Variants in PPP1R9A observed in about 807,000 individuals in gnomAD.
PPP1R9A encodes the protein neurabin-1.
Under a neutral mutation model 141.9 loss-of-function variants are expected in PPP1R9A, and 59 were observed. The observed-to-expected ratio is 0.42, with a 90% CI of 0.34 to 0.52. The LOEUF (loss-of-function observed/expected upper bound fraction) is 0.52. Among genes scored for constraint, PPP1R9A ranks in the 20% least tolerant of loss-of-function variants. PPP1R9A has a pLI of 0.10. For synonymous variants in PPP1R9A, 500 were observed against 569.7 expected (o/e 0.88, Z 1.74); for missense variants, 1,444 against 1,611.9 (o/e 0.90, Z 1.78).
intron 2 of PPP1R9A, among the ~76,000 whole-genome samples, chr7:95,015,091 T>C (rs576076306): frequency 2.0e-5 from 3 of 152,038 alleles, no homozygotes; most frequent in Non-Finnish European, 4.4e-5. Context: ...GAGCTATAGT[T>C]TCTTTTATTT....
chr7:95,139,493 G>A (rs1826257927), intron 4 of PPP1R9A, among the ~76,000 whole-genome samples: 3 of 152,140 alleles, frequency 2.0e-5, no homozygotes, highest in Admixed American at 6.5e-5. Flanking sequence ...TTTGCCTCAT[G>A]TCTTCTGAAT....
rs961547043 is a variant in PPP1R9A, at chr7:95,295,421, T to G, written c.*5118T>G. 6.6e-6 allele frequency: 1 copy of G among 152,604 alleles called. No individual in the cohort carries two copies. Among genetic ancestry groups the G allele is most frequent in the African/African-American group, 2.4e-5 (1 of 41,456 alleles). The allele number at this position is 152,604 out of a possible 1,614,324, so 9.5% of individuals were successfully genotyped here. A position where few individuals can be genotyped will look rare whatever the true frequency, so the allele number is the denominator to read the frequency against. ...GATGTCAAGATTGCATATTGCTGAGTTGGAGCTCAGAAGAAATGTATGCAG... is the reference window on the plus strand; with the variant it reads ...GATGTCAAGATTGCATATTGCTGAGGTGGAGCTCAGAAGAAATGTATGCAG... On this transcript the variant is annotated 3_prime_UTR_variant, in exon 20 of 20. Coordinates refer to ENST00000433360, the MANE Select transcript of PPP1R9A (RefSeq NM_001166160.2).
chr7:95,249,684 CA>C, intron 9 of PPP1R9A, among the ~76,000 whole-genome samples: 1 of 152,164 alleles, frequency 6.6e-6, no homozygotes, highest in South Asian at 2.1e-4. Flanking sequence ...TAAAAACTCT[CA>C]AAACATGTTG....
At position 95,248,871 on chromosome 7, in the gene PPP1R9A, A is replaced by T. The variant is rs551708422; in HGVS notation, c.2167-1155A>T. Among the ~76,000 whole-genome samples the T allele has an allele frequency of 4.5e-4, 69 of 152,288 alleles. 1 individual carries two copies. The South Asian group carries it at 0.013, about 28-fold the overall frequency. The stretch of plus-strand genomic sequence containing the variant: ...TGTAAACTGTTTTGCAAATGTGTTT[A>T]GTTAAAAATATTTGCAAAAACATAG... On this transcript the variant is annotated intron_variant, in intron 9 of 19. Transcript: ENST00000433360.
intron 2 of PPP1R9A, among the ~76,000 whole-genome samples, chr7:95,033,316 ATTT>A (rs992206346): frequency 5.9e-5 from 9 of 151,286 alleles, no homozygotes; most frequent in Non-Finnish European, 1.2e-4. Flanking sequence ...TCCTGGCCTA[ATTT>A]TTTATTTTTA....
At chr7:95,068,037 T>C (rs1199045279) in intron 2 of PPP1R9A, among the ~76,000 whole-genome samples, 1 of 152,018 alleles carries the variant, frequency 6.6e-6, no homozygotes, top group South Asian at 2.1e-4. Context: ...GAAATAAACA[T>C]CCTTGTTGCT....
At chr7:94,998,721 C>T (rs939831008) in intron 2 of PPP1R9A, among the ~76,000 whole-genome samples, 4 of 152,206 alleles carry the variant, frequency 2.6e-5, no homozygotes, top group African/African-American at 9.6e-5. Context: ...TTCTGCTTAT[C>T]CGTTTTACAA....
chr7:94,943,932 C>T (rs1209585069), intron 2 of PPP1R9A, among the ~76,000 whole-genome samples: 1 of 152,114 alleles, frequency 6.6e-6, no homozygotes, highest in African/African-American at 2.4e-5. Context: ...TTTCTAATTA[C>T]TGAGTTTGTT....
Position 94,983,355 on chromosome 7 carries a change from A to C in PPP1R9A, c.1395+71847A>C, listed in dbSNP as rs1241468251. On this transcript the variant is annotated intron_variant, in intron 2 of 19. Transcript: ENST00000433360. ...TATGAACTTTAAAGTAGTTTTTTCC[A>C]ATTCTGTGAAGAAAGTCATTGGTAG... is the stretch of plus-strand genomic sequence containing the variant. Among the ~76,000 whole-genome samples, 3 of 152,124 alleles carry C rather than the reference A, an allele frequency of 2.0e-5. No homozygotes were observed. The East Asian group carries it at 5.8e-4, about 29-fold the overall frequency.
At chr7:94,950,737 C>A (rs1416129978) in intron 2 of PPP1R9A, among the ~76,000 whole-genome samples, 1 of 151,960 alleles carries the variant, frequency 6.6e-6, no homozygotes, top group East Asian at 1.9e-4. Flanking sequence ...AATTAAAAGG[C>A]AATTAATTTA....
chr7:95,212,813 T>C (rs1475890427), intron 7 of PPP1R9A, among the ~76,000 whole-genome samples: 1 of 152,214 alleles, frequency 6.6e-6, no homozygotes, highest in Non-Finnish European at 1.5e-5. Flanking sequence ...GAGAAAGTCC[T>C]GGGTTTCTAA....
chr7:95,157,347 A>G (rs1829796520), intron 4 of PPP1R9A, among the ~76,000 whole-genome samples: 1 of 151,950 alleles, frequency 6.6e-6, no homozygotes, highest in East Asian at 1.9e-4. Context: ...CTGGTCCCCC[A>G]AAAGTAAAGG....
At chr7:95,278,202 C>T (rs1273027548) in intron 16 of PPP1R9A, among the ~76,000 whole-genome samples, 2 of 152,188 alleles carry the variant, frequency 1.3e-5, no homozygotes, top group Non-Finnish European at 2.9e-5. Flanking sequence ...CTGCATGGCT[C>T]TGACTTCCCA....
chr7:95,061,771 C>G (rs1436598952), intron 2 of PPP1R9A, among the ~76,000 whole-genome samples: 1 of 152,108 alleles, frequency 6.6e-6, no homozygotes, highest in Non-Finnish European at 1.5e-5. Flanking sequence ...ATGGCTTTGT[C>G]TGTGTTTGCA....
intron 2 of PPP1R9A, among the ~76,000 whole-genome samples, chr7:95,013,572 G>A (rs1446268591): frequency 6.6e-6 from 1 of 152,054 alleles, no homozygotes; most frequent in African/African-American, 2.4e-5. Flanking sequence ...AATCTTTTCT[G>A]TGTAGTCATT....
chr7:95,234,851 G>C (rs1361970171), intron 8 of PPP1R9A, among the ~76,000 whole-genome samples: 1 of 152,082 alleles, frequency 6.6e-6, no homozygotes, highest in Non-Finnish European at 1.5e-5. Flanking sequence ...AGAGAACCCA[G>C]AAATAAACCC....
intron 4 of PPP1R9A, among the ~76,000 whole-genome samples, chr7:95,123,801 G>A (rs1823062222): frequency 6.6e-6 from 1 of 152,114 alleles, no homozygotes; most frequent in Non-Finnish European, 1.5e-5. Flanking sequence ...CGCAGGTTGT[G>A]GTAAGCATTA....
chr7:95,053,678 G>C (rs1024749345), intron 2 of PPP1R9A, among the ~76,000 whole-genome samples: 6 of 152,194 alleles, frequency 3.9e-5, no homozygotes, highest in African/African-American at 1.4e-4. Context: ...GAGAAGGATG[G>C]CAGCTCAATA....
At chr7:95,240,449 A>G in intron 8 of PPP1R9A, among the ~76,000 whole-genome samples, 1 of 150,568 alleles carries the variant, frequency 6.6e-6, no homozygotes, top group East Asian at 2.0e-4. Flanking sequence ...ATCAGTATCT[A>G]TTACGTTTTT....
Sources: gnomAD v4.1 joint callset for allele counts (sites outside exome capture counted in the v4.1 genomes callset) on GRCh38, gnomAD v4.1.1 for gene constraint, MANE v1.5 for transcripts, NCBI Gene and HGNC (gene_info 2026-07-23, HGNC 2026-07-21) for gene names.